Variants in ALLC observed in about 807,000 individuals in gnomAD.
ALLC encodes the protein probable inactive allantoicase.
ALLC carries 40 observed loss-of-function variants against 45.0 expected under a neutral mutation model. The ratio of observed to expected loss-of-function variants is 0.89; its 90% CI spans 0.69 to 1.16. The LOEUF is 1.16. ALLC is among the 50% of genes most tolerant of loss of function. ALLC has a pLI of 0.00. For synonymous variants in ALLC, 176 were observed against 178.1 expected (o/e 0.99, Z 0.09); for missense variants, 488 against 493.1 (o/e 0.99, Z 0.10).
In ALLC at chr2:3,680,329, G is replaced by A. The variant is rs889423685; in HGVS notation, c.298+335G>A. On this transcript the variant is annotated intron_variant, in intron 5 of 11. Coordinates refer to ENST00000252505, the MANE Select transcript of ALLC (RefSeq NM_018436.4). The surrounding 1 kb of genome is among the most constrained non-coding windows in gnomAD (Gnocchi z 4.0). ...GAGTGGTTTGTGCCTCAGATGACCCGGGTGATGTGGACCCAGGTCTGGGAC... is the reference window on the plus strand; with the variant it reads ...GAGTGGTTTGTGCCTCAGATGACCCAGGTGATGTGGACCCAGGTCTGGGAC... 6.0e-4 allele frequency among the ~76,000 whole-genome samples: 92 copies of A among 152,180 alleles called. No homozygotes were observed. The highest frequency in any genetic ancestry group is 1.8e-3 in the African/African-American group (75 of 41,446).
chr2:3,697,385 A>G lies in ALLC; in HGVS notation c.779A>G (p.Glu260Gly). 6.2e-7 allele frequency: 1 copy of G among 1,613,900 alleles called. No individual in the cohort carries two copies. ...ENGILLVPGCEWAVFRLAHPG... is the reference protein window; with the variant it reads ...ENGILLVPGCGWAVFRLAHPG... Reference sequence around the variant, plus strand: ...GGCATTCTCTTGGTTCCGGGTTGTGAATGGGCAGTTTTCCGATTGGCACAT... The same window carrying G: ...GGCATTCTCTTGGTTCCGGGTTGTGGATGGGCAGTTTTCCGATTGGCACAT... Residue 260 changes from glutamate to glycine, a missense_variant, in exon 10 of 12, where the codon GAA becomes GGA. Coordinates refer to ENST00000252505, the MANE Select transcript of ALLC (RefSeq NM_018436.4).
intron 3 of ALLC, among the ~76,000 whole-genome samples, chr2:3,676,346 G>C (rs940424610): frequency 1.3e-5 from 2 of 152,148 alleles, no homozygotes; most frequent in Non-Finnish European, 2.9e-5. Context: ...GCAGTGGCAC[G>C]GTCATGGCTC....
At chr2:3,702,340 C>T (rs1276902114) in intron 11 of ALLC, 23 bp from the exon 12 acceptor site, 6 of 1,609,418 alleles carry the variant, frequency 3.7e-6, no homozygotes, top group African/African-American at 1.3e-5. Context: ...AGACTAGGAC[C>T]TCTGCATCTG....
chr2:3,689,017 T>C (rs913945662), intron 7 of ALLC: 1 of 151,310 alleles, frequency 6.6e-6, no homozygotes, highest in African/African-American at 2.4e-5. Flanking sequence ...TGGCACTGCA[T>C]AAAAATATGC....
upstream of ALLC, among the ~76,000 whole-genome samples, chr2:3,657,453 G>T (rs1229284732): frequency 6.6e-6 from 1 of 152,154 alleles, no homozygotes; most frequent in Non-Finnish European, 1.5e-5. Flanking sequence ...CATCTGCTGT[G>T]CTGGGTTCTG....
chr2:3,681,755 T>C (rs969001139), intron 6 of ALLC, 42 bp downstream of exon 6: 1 of 1,499,076 alleles, frequency 6.7e-7, no homozygotes, highest in African/African-American at 1.4e-5. Context: ...CACCAATTAT[T>C]AGGAGAGTAG....
chr2:3,665,139 G>A (rs57360907), intron 1 of ALLC, among the ~76,000 whole-genome samples: 5 of 152,052 alleles, frequency 3.3e-5, no homozygotes, highest in Non-Finnish European at 7.4e-5. Context: ...GCAGCGAGAC[G>A]GATCCTGGAA....
intron 3 of ALLC, among the ~76,000 whole-genome samples, 168 bp from the exon 4 acceptor site, chr2:3,678,300 G>T (rs181619697): frequency 6.6e-6 from 1 of 152,328 alleles, no homozygotes; most frequent in East Asian, 1.9e-4. Flanking sequence ...AAAAGCGGAG[G>T]CATCTCTCAA....
chr2:3,695,675 G>A, intron 7 of ALLC, 42 bp from the exon 8 acceptor site: 5 of 1,612,438 alleles, frequency 3.1e-6, no homozygotes, highest in Non-Finnish European at 4.2e-6. Flanking sequence ...TACACAAGCA[G>A]CCATTTTTAC....
chr2:3,688,620 C>G, intron 7 of ALLC: 1 of 193,610 alleles, frequency 5.2e-6, no homozygotes, highest in South Asian at 8.8e-5. Flanking sequence ...GCAGAGGGGG[C>G]AGAGATGGTG....
intron 5 of ALLC, among the ~76,000 whole-genome samples, chr2:3,681,392 A>C (rs1347542784): frequency 6.6e-6 from 1 of 152,226 alleles, no homozygotes; most frequent in Non-Finnish European, 1.5e-5. Flanking sequence ...CTTGGAGATG[A>C]CATTTACTGT....
rs1467890438 is a variant in ALLC, at chr2:3,672,302, G to A, written c.33+1112G>A. Among the ~76,000 whole-genome samples the A allele has an allele frequency of 2.6e-5, 3 of 116,486 alleles. No individual in the cohort carries two copies. In the East Asian group the frequency reaches 7.7e-4, roughly 30 times the overall value. The allele number at this position is 116,486 out of a possible 152,430, so 76.4% of individuals were successfully genotyped here. On this transcript the variant is annotated intron_variant, in intron 2 of 11. Coordinates refer to ENST00000252505, the MANE Select transcript of ALLC (RefSeq NM_018436.4). ...ATGGGAGGTCCTCTGGCTCTGGTTA[G>A]ATCGGAAGTCCTCTGGCTCTGGTTA...
rs1417540237 is a variant in ALLC, at chr2:3,681,618, G to A, written c.299-16G>A. 3.1e-6 allele frequency: 5 copies of A among 1,590,538 alleles called. No homozygotes were observed. The highest frequency in any genetic ancestry group is 2.3e-5 in the South Asian group (2 of 88,262). On this transcript the variant is annotated splice_polypyrimidine_tract_variant and intron_variant, in intron 5 of 11. Transcript: ENST00000252505. ...TGAACCCTAATCTTAATCCTGAATG[G>A]TCATTCCAACTACAGATAAACTACC...
chr2:3,683,050 C>G lies in ALLC; in HGVS notation c.487C>G (p.His163Asp). The G allele has an allele frequency of 6.2e-6, 10 of 1,613,818 alleles. No homozygotes were observed. Among genetic ancestry groups the G allele is most frequent in the Non-Finnish European group, 8.5e-6 (10 of 1,179,844 alleles). ...TGTCAATTCCCAGCAGAGATGGACT[C>G]ATATCAGACTCAACATTTTCCCAGG... Reference protein sequence around the residue: ...FLVNSQQRWTHIRLNIFPDGG... With the variant: ...FLVNSQQRWTDIRLNIFPDGG... The change falls in exon 7 of 12, where the codon CAT (histidine) becomes GAT (aspartate). Residue 163 changes from histidine to aspartate, a missense_variant. Transcript: ENST00000252505.
rs954825527 is a variant in ALLC, at chr2:3,696,449, T to A, written c.741+101T>A. The A allele has an allele frequency of 4.4e-6, 4 of 905,476 alleles. No homozygotes were observed. In the African/African-American group the frequency reaches 6.8e-5, roughly 15 times the overall value. The allele number at this position is 905,476 out of a possible 1,614,324, so 56.1% of individuals were successfully genotyped here. ...TTTTGCACATTTTAGAAACCTCATATGCATTGTTCTAAATGCTAATTACTA... is the reference window on the plus strand; with the variant it reads ...TTTTGCACATTTTAGAAACCTCATAAGCATTGTTCTAAATGCTAATTACTA... On this transcript the variant is annotated intron_variant, in intron 9 of 11. Transcript: ENST00000252505.
the ALLC span, among the ~76,000 whole-genome samples, chr2:3,650,523 C>T: frequency 6.6e-6 from 1 of 150,998 alleles, no homozygotes; most frequent in Non-Finnish European, 1.5e-5. Flanking sequence ...GCAGCTCCAG[C>T]CCCAGCAGCA....
intron 7 of ALLC, among the ~76,000 whole-genome samples, chr2:3,685,250 A>G (rs1667302765): frequency 7.2e-6 from 1 of 138,756 alleles, no homozygotes; most frequent in African/African-American, 2.5e-5. Context: ...TTTTTAAATA[A>G]AAGCGGTATT....
chr2:3,700,652 C>T (rs1170086363), intron 10 of ALLC, among the ~76,000 whole-genome samples: 5 of 152,142 alleles, frequency 3.3e-5, no homozygotes, highest in African/African-American at 9.7e-5. Flanking sequence ...TAGGTTATAT[C>T]AAATACACAA....
intron 7 of ALLC, among the ~76,000 whole-genome samples, chr2:3,693,600 A>G (rs1667578260): frequency 6.6e-6 from 1 of 152,214 alleles, no homozygotes; most frequent in Non-Finnish European, 1.5e-5. Flanking sequence ...GTGAGTCCAG[A>G]TTGTCATTTT....
Sources: gnomAD v4.1 joint callset for allele counts (sites outside exome capture counted in the v4.1 genomes callset) on GRCh38, gnomAD v4.1.1 for gene constraint, Gnocchi (gnomAD v3.1) non-coding constraint, MANE v1.5 for transcripts, NCBI Gene and HGNC (gene_info 2026-07-23, HGNC 2026-07-21) for gene names.